PCDHA5: variants seen among roughly 807,000 people sequenced by gnomAD.
PCDHA5 encodes the protein protocadherin alpha-5.
PCDHA5 carries 43 observed loss-of-function variants against 61.6 expected under a neutral mutation model. The observed-to-expected ratio is 0.70, with a 90% CI of 0.55 to 0.90. The LOEUF (loss-of-function observed/expected upper bound fraction) is 0.90. PCDHA5 is among the 40% of genes least tolerant of loss of function. The probability of loss-of-function intolerance (pLI) is 0.00; values close to 1 mark genes in which losing one functional copy is unlikely to be tolerated. For synonymous variants in PCDHA5, 627 were observed against 543.9 expected (o/e 1.15, Z -2.13); for missense variants, 1,298 against 1,222.7 (o/e 1.06, Z -0.92).
intron 1 of PCDHA5, chr5:140,828,311 C>G (rs2150153881): frequency 6.2e-7 from 1 of 1,614,174 alleles, no homozygotes; most frequent in Non-Finnish European, 8.5e-7. Flanking sequence ...CCGCGAGGAC[C>G]TTCTGGAGGT....
chr5:140,869,200 T>C, intron 1 of PCDHA5: 1 of 1,614,000 alleles, frequency 6.2e-7, no homozygotes, highest in East Asian at 2.2e-5. Flanking sequence ...CCAGCTCCAC[T>C]ACTCCGTCTC....
At chr5:140,858,847 CTA>C (rs1554152061) in intron 1 of PCDHA5, 1 of 294,410 alleles carries the variant, frequency 3.4e-6, no homozygotes, top group African/African-American at 2.3e-5. Context: ...TTCCACTGAT[CTA>C]TATCTCTTCA....
At position 140,843,778 on chromosome 5, in the gene PCDHA5, G is replaced by C. The variant is rs2150366653; in HGVS notation, c.2352+19651G>C. 3.5e-6 allele frequency: 5 copies of C among 1,441,518 alleles called. No individual in the cohort carries two copies. The East Asian group carries it at 1.1e-4, about 33-fold the overall frequency. The allele number at this position is 1,441,518 out of a possible 1,614,324, so 89.3% of individuals were successfully genotyped here. A position where few individuals can be genotyped will look rare whatever the true frequency, so the allele number is the denominator to read the frequency against. On this transcript the variant is annotated intron_variant, in intron 1 of 3. Transcript: ENST00000529859. ...TGTGGAAATTGTAGTTACTTTAAAA[G>C]TGTTTCAGATTTAGTTTTTCACCGT...
chr5:140,855,103 T>C lies in PCDHA5; in HGVS notation c.2352+30976T>C. Among the ~76,000 whole-genome samples, 2 of 149,938 alleles carry C rather than the reference T, an allele frequency of 1.3e-5. 1 individual carries two copies. The highest frequency in any genetic ancestry group is 3.0e-5 in the Non-Finnish European group (2 of 67,096). On this transcript the variant is annotated intron_variant, in intron 1 of 3. Coordinates refer to ENST00000529859, the MANE Select transcript of PCDHA5 (RefSeq NM_018908.3). ...CCACTCTCAGCCTGTGCAGTAGCAA[T>C]AATTAAGGCATTCTATAGGTAATAA... is the stretch of plus-strand genomic sequence containing the variant.
At chr5:140,992,471 A>G (rs1563581785) in intron 3 of PCDHA5, among the ~76,000 whole-genome samples, 1 of 152,186 alleles carries the variant, frequency 6.6e-6, no homozygotes, top group Non-Finnish European at 1.5e-5. Context: ...TACTCTTTAG[A>G]TCACCCAGAG....
intron 1 of PCDHA5, chr5:140,850,527 T>C: frequency 6.3e-7 from 1 of 1,598,028 alleles, no homozygotes; most frequent in Non-Finnish European, 8.6e-7. Flanking sequence ...GGCGCCAAAG[T>C]CATCGTCGCG....
chr5:140,876,154 A>G, intron 1 of PCDHA5: 1 of 1,613,972 alleles, frequency 6.2e-7, no homozygotes, highest in Non-Finnish European at 8.5e-7. Context: ...GTCTGTCCAG[A>G]TTCAAATAAC....
At chr5:140,896,811 T>G (rs2065758053) in intron 1 of PCDHA5, among the ~76,000 whole-genome samples, 1 of 152,266 alleles carries the variant, frequency 6.6e-6, no homozygotes, top group African/African-American at 2.4e-5. Flanking sequence ...GGTTGTCTGT[T>G]TACTCTGTTC....
At chr5:140,949,991 A>T (rs1585353048) in intron 1 of PCDHA5, among the ~76,000 whole-genome samples, 1 of 151,822 alleles carries the variant, frequency 6.6e-6, no homozygotes, top group East Asian at 1.9e-4. Flanking sequence ...AACTTTTCTC[A>T]GTCCACTTAA....
intron 1 of PCDHA5, chr5:140,841,189 TTTCTC>T: frequency 8.1e-7 from 1 of 1,233,560 alleles, no homozygotes; most frequent in East Asian, 2.5e-5. Flanking sequence ...TTCAAAGTCT[TTTCTC>T]TGACAGCATC....
At chr5:140,946,044 A>G (rs1435633416) in intron 1 of PCDHA5, among the ~76,000 whole-genome samples, 1 of 152,160 alleles carries the variant, frequency 6.6e-6, no homozygotes, top group East Asian at 1.9e-4. Flanking sequence ...TGAAGGGACA[A>G]TCCACAGAAT....
At position 141,010,952 on chromosome 5, in the gene PCDHA5, T is replaced by C. The variant is rs1217882818; in HGVS notation, c.*1015T>C. On this transcript the variant is annotated 3_prime_UTR_variant, in exon 4 of 4. Coordinates refer to ENST00000529859, the MANE Select transcript of PCDHA5 (RefSeq NM_018908.3). ...AGTCTACAGCCATTTAAATGATCAT[T>C]GCTGCTACAGAAGTGCTTTAAGAGA... 1 of 153,792 alleles carries C rather than the reference T, an allele frequency of 6.5e-6. No individual in the cohort carries two copies. Among genetic ancestry groups the C allele is most frequent in the East Asian group, 1.9e-4 (1 of 5,194 alleles). The allele number at this position is 153,792 out of a possible 1,614,324, so 9.5% of individuals were successfully genotyped here. A position where few individuals can be genotyped will look rare whatever the true frequency, so the allele number is the denominator to read the frequency against.
intron 1 of PCDHA5, chr5:140,850,632 C>G: frequency 6.3e-7 from 1 of 1,598,646 alleles, no homozygotes; most frequent in Non-Finnish European, 8.6e-7. Context: ...CCTGTTGGTT[C>G]TCACGCTGCT....
chr5:140,972,820 C>T (rs1247488574), intron 1 of PCDHA5, among the ~76,000 whole-genome samples: 1 of 151,962 alleles, frequency 6.6e-6, no homozygotes, highest in Non-Finnish European at 1.5e-5. Context: ...CGCGCCACCA[C>T]GCCTGGCTAA....
intron 1 of PCDHA5, among the ~76,000 whole-genome samples, chr5:140,832,950 G>A (rs112678369): frequency 0.015 from 2,239 of 152,242 alleles, 37 homozygotes; most frequent in Non-Finnish European, 0.018. Flanking sequence ...ACTTAAGTGA[G>A]TATACAGAAA....
At chr5:140,927,360 T>G in intron 1 of PCDHA5, 1 of 1,613,972 alleles carries the variant, frequency 6.2e-7, no homozygotes, top group Non-Finnish European at 8.5e-7. Flanking sequence ...AGGGAAGCAA[T>G]GGGATACTAA....
intron 1 of PCDHA5, among the ~76,000 whole-genome samples, chr5:140,978,505 C>T (rs2096806553): frequency 6.6e-6 from 1 of 152,354 alleles, no homozygotes; most frequent in South Asian, 2.1e-4. Context: ...AGATTGCAGT[C>T]CTCTGCAGTC....
intron 1 of PCDHA5, chr5:140,926,753 G>C (rs1431209513): frequency 3.5e-5 from 44 of 1,268,526 alleles, no homozygotes; most frequent in Non-Finnish European, 4.4e-5. Context: ...GTCGGCGGTC[G>C]CTGAGTATCC....
intron 1 of PCDHA5, chr5:140,876,311 G>A: frequency 1.2e-6 from 2 of 1,613,954 alleles, no homozygotes; most frequent in East Asian, 2.2e-5. Flanking sequence ...ATTTCCTATG[G>A]GATCAAAATG....
Sources: allele counts gnomAD v4.1 joint callset (sites outside exome capture counted in the v4.1 genomes callset), GRCh38; gene constraint gnomAD v4.1.1; transcripts MANE v1.5; gene names NCBI Gene and HGNC (gene_info 2026-07-23, HGNC 2026-07-21).